The following USP54 variants were observed in gnomAD, a reference collection of about 807,000 sequenced individuals.
USP54 encodes the protein ubiquitin specific peptidase 54, also known as ubiquitin carboxyl-terminal hydrolase 54.
USP54 carries 87 observed loss-of-function variants against 170.5 expected under a neutral mutation model. The ratio of observed to expected loss-of-function variants is 0.51; its 90% confidence interval spans 0.43 to 0.61. The LOEUF (loss-of-function observed/expected upper bound fraction) is 0.61, where lower values mean the gene tolerates loss of function less well. USP54 is among the 20% of genes least tolerant of loss of function. The pLI, the probability that USP54 is intolerant of heterozygous loss-of-function variation, is 0.00. For synonymous variants in USP54, 655 were observed against 742.8 expected (o/e 0.88, Z 1.92); for missense variants, 1,786 against 2,047.8 (o/e 0.87, Z 2.47).
At chr10:73,529,601 C>A (rs12255505) in intron 15 of USP54, 79 bp downstream of exon 15, 156,495 of 1,522,264 alleles carry the variant, frequency 0.1, 15,384 homozygotes, top group African/African-American at 0.45. Flanking sequence ...CCACTTGTCT[C>A]AGCCATGCCT....
intron 1 of USP54, among the ~76,000 whole-genome samples, chr10:73,618,918 A>AT (rs2080868326): frequency 1.3e-5 from 2 of 149,550 alleles, no homozygotes; most frequent in Non-Finnish European, 2.9e-5. Context: ...CTCAAAAAAA[A>AT]TTTTTTTGGT....
chr10:73,563,422 C>T (rs1330541446), intron 4 of USP54, among the ~76,000 whole-genome samples: 1 of 151,908 alleles, frequency 6.6e-6, no homozygotes, highest in Admixed American at 6.6e-5. Context: ...TTTCTCTTGA[C>T]TCATTTATCT....
intron 5 of USP54, among the ~76,000 whole-genome samples, chr10:73,543,618 A>G (rs962593547): frequency 1.4e-4 from 22 of 152,114 alleles, no homozygotes; most frequent in African/African-American, 5.1e-4. Flanking sequence ...CGCCCGCCCC[A>G]GGCTCCCAAA....
chr10:73,593,930 C>A (rs1484243112), upstream of USP54, among the ~76,000 whole-genome samples: 1 of 152,124 alleles, frequency 6.6e-6, no homozygotes, highest in Non-Finnish European at 1.5e-5. Context: ...CTAAGAAAAA[C>A]CAAAATAACT....
At chr10:73,541,323 A>G (rs1420278825) in intron 9 of USP54, 52 bp downstream of exon 9, 2 of 1,610,096 alleles carry the variant, frequency 1.2e-6, no homozygotes, top group Admixed American at 3.3e-5. Flanking sequence ...GCTCCTAAGC[A>G]ATACTAAGAC....
chr10:73,598,042 G>A (rs961682233), intron 1 of USP54, among the ~76,000 whole-genome samples: 9 of 142,348 alleles, frequency 6.3e-5, no homozygotes, highest in African/African-American at 2.0e-4. Context: ...CCGAGATCAC[G>A]CCACTGCACT....
chr10:73,526,632 T>TG lies in USP54; in HGVS notation c.2194+14dup. 7 of 1,613,300 alleles carry TG rather than the reference T, an allele frequency of 4.3e-6. No individual in the cohort carries two copies. The highest frequency in any genetic ancestry group is 5.9e-6 in the Non-Finnish European group (7 of 1,179,714). On this transcript the variant is annotated intron_variant, in intron 16 of 23. Coordinates refer to ENST00000687698, the MANE Select transcript of USP54 (RefSeq NM_001391956.1). The stretch of plus-strand genomic sequence containing the variant: ...GGTCAAATCCAGTCCTCAAATTCAG[T>TG]GTCATTCTGCTTACCAGAGAAAGGC...
chr10:73,556,533 A>C (rs901509640), intron 4 of USP54, among the ~76,000 whole-genome samples: 1 of 151,592 alleles, frequency 6.6e-6, no homozygotes, highest in African/African-American at 2.4e-5. Context: ...TTTAGTAGAG[A>C]CAGGGTTTCA....
chr10:73,519,058 T>G (rs1282273441), intron 19 of USP54: 1 of 148,854 alleles, frequency 6.7e-6, no homozygotes, highest in Non-Finnish European at 1.5e-5. Flanking sequence ...TTTTGAACAT[T>G]GAACCCAGGA....
intron 1 of USP54, among the ~76,000 whole-genome samples, chr10:73,622,269 C>A (rs919185290): frequency 1.2e-4 from 18 of 151,640 alleles, no homozygotes; most frequent in Admixed American, 4.6e-4. Flanking sequence ...TGAATGTTAT[C>A]TATTATTATT....
chr10:73,536,803 A>C (rs986378027), intron 10 of USP54, among the ~76,000 whole-genome samples: 1 of 152,232 alleles, frequency 6.6e-6, no homozygotes, highest in African/African-American at 2.4e-5. Flanking sequence ...CATCAAATTA[A>C]GCCCTCACTA....
chr10:73,584,205 T>TA (rs1288774202), intron 1 of USP54, among the ~76,000 whole-genome samples: 2 of 152,126 alleles, frequency 1.3e-5, no homozygotes, highest in African/African-American at 2.4e-5. Context: ...CTGGCCAACA[T>TA]AGTGAAACCC....
chr10:73,498,698 C>T lies in USP54; in HGVS notation c.4986G>A (p.Leu1662=). ...GHRRTVGEGF[L]FVLSDAPRRE... is the part of the protein sequence containing the mutation. Reference sequence around the variant, plus strand: ...TTCTGGGAGCATCTGATAGAACAAACAGAAACCCCTCTCCCACTGTTCTCC... The same window carrying T: ...TTCTGGGAGCATCTGATAGAACAAATAGAAACCCCTCTCCCACTGTTCTCC... Residue 1662 remains leucine (L), a synonymous_variant, in exon 24 of 24, where the codon CTG becomes CTA. Coordinates refer to ENST00000687698, the MANE Select transcript of USP54 (RefSeq NM_001391956.1). 6.2e-7 allele frequency: 1 copy of T among 1,607,680 alleles called. No individual in the cohort carries two copies. Among genetic ancestry groups the T allele is most frequent in the South Asian group, 1.1e-5 (1 of 90,098 alleles).
intron 20 of USP54, among the ~76,000 whole-genome samples, chr10:73,508,362 G>A (rs1168459433): frequency 6.8e-6 from 1 of 147,576 alleles, no homozygotes; most frequent in African/African-American, 2.5e-5. Context: ...AGCTGATATT[G>A]TACCACTGCA....
intron 4 of USP54, among the ~76,000 whole-genome samples, chr10:73,558,134 C>T (rs148191231): frequency 6.2e-4 from 94 of 152,234 alleles, no homozygotes; most frequent in African/African-American, 1.9e-3. Flanking sequence ...CCCACTTCGG[C>T]CCCACAAAGT....
At chr10:73,540,638 G>A (rs887186205) in intron 9 of USP54, among the ~76,000 whole-genome samples, 1 of 152,208 alleles carries the variant, frequency 6.6e-6, no homozygotes, top group African/African-American at 2.4e-5. Flanking sequence ...GCCTAGGCTA[G>A]AATGTAGTGG....
upstream of USP54, among the ~76,000 whole-genome samples, chr10:73,592,681 G>A (rs1389738438): frequency 6.6e-6 from 1 of 152,066 alleles, no homozygotes; most frequent in East Asian, 1.9e-4. Flanking sequence ...TAAAATATAG[G>A]TATATATTCA....
chr10:73,614,809 T>G (rs2080485624), intron 1 of USP54, among the ~76,000 whole-genome samples: 1 of 150,154 alleles, frequency 6.7e-6, no homozygotes, highest in Non-Finnish European at 1.5e-5. Flanking sequence ...AAATATAAAA[T>G]ATTTTTATAA....
At position 73,505,365 on chromosome 10, in the gene USP54, A is replaced by G. The variant is rs2058925570; in HGVS notation, c.4113T>C (p.Thr1371=). Residue 1371 remains threonine, a synonymous_variant, in exon 21 of 24, where the codon ACT becomes ACC. Transcript: ENST00000687698. ...GACCATGCTCCATTTCTGCTGTTGA[A>G]GTCTTTGAGAGACCAGGATCATGGG... is the stretch of plus-strand genomic sequence containing the variant. ...HSAHDPGLSK[T]STAEMEHGLH... 2 of 1,614,100 alleles carry G rather than the reference A, an allele frequency of 1.2e-6. No homozygotes were observed. Among genetic ancestry groups the G allele is most frequent in the Admixed American group, 1.7e-5 (1 of 60,002 alleles).
Sources: allele counts gnomAD v4.1 joint callset (sites outside exome capture counted in the v4.1 genomes callset), GRCh38; gene constraint gnomAD v4.1.1; transcripts MANE v1.5; gene names NCBI Gene and HGNC (gene_info 2026-07-23, HGNC 2026-07-21).